The following TTC28 variants were observed in gnomAD, a reference collection of about 807,000 sequenced individuals.
TTC28 encodes the protein tetratricopeptide repeat protein 28.
A neutral mutation model predicts 198.0 loss-of-function variants in TTC28; 61 were observed. That is an observed-to-expected ratio of 0.31 (90% CI 0.25 to 0.38). TTC28 has a LOEUF of 0.38. Among genes scored for constraint, TTC28 ranks in the 10% least tolerant of loss-of-function variants. TTC28 has a pLI of 1.00. For synonymous variants in TTC28, 1,171 were observed against 1,297.8 expected, an observed-to-expected ratio of 0.90 and a Z score of 2.10; for missense variants, 2,678 against 3,164.0, an observed-to-expected ratio of 0.85 and a Z score of 3.69.
At chr22:28,116,100 C>T (rs183638463) in intron 6 of TTC28, among the ~76,000 whole-genome samples, 7 of 152,132 alleles carry the variant, frequency 4.6e-5, no homozygotes, top group African/African-American at 1.7e-4. Context: ...CCCCTCAAGA[C>T]TCCCCCTGAT....
chr22:28,472,910 T>G (rs1311829080), intron 2 of TTC28, among the ~76,000 whole-genome samples: 1 of 152,164 alleles, frequency 6.6e-6, no homozygotes, highest in Non-Finnish European at 1.5e-5. Flanking sequence ...TCAGATTTAA[T>G]ATCAGAATGG....
At position 28,118,971 on chromosome 22, in the gene TTC28, A is replaced by C. The variant is rs576068445; in HGVS notation, c.1442-10568T>G. On this transcript the variant is annotated intron_variant, in intron 6 of 22. Transcript: ENST00000397906. ...AAAATTTTATATCTGTTGCATGCTC[A>C]GCTGACTTTGCCTTGGTAATTGGTG... Among the ~76,000 whole-genome samples the C allele has an allele frequency of 6.6e-5, 10 of 152,352 alleles. No homozygotes were observed. In the East Asian group the frequency reaches 1.9e-3, roughly 29 times the overall value.
intron 2 of TTC28, among the ~76,000 whole-genome samples, chr22:28,496,489 C>A (rs1421895121): frequency 1.3e-5 from 2 of 152,030 alleles, no homozygotes; most frequent in African/African-American, 4.8e-5. Flanking sequence ...TCTCACATAC[C>A]ACATCCAATC....
chr22:28,504,890 A>G (rs1484001937), intron 2 of TTC28, among the ~76,000 whole-genome samples: 1 of 152,184 alleles, frequency 6.6e-6, no homozygotes, highest in Non-Finnish European at 1.5e-5. Context: ...GGTTCATTAT[A>G]CAATTCTTTT....
rs1320137980 is a variant in TTC28, at chr22:28,025,810, CAGTT to C, written c.4073+4412_4073+4415del. Among the ~76,000 whole-genome samples the C allele has an allele frequency of 3.2e-4, 48 of 152,168 alleles. 1 individual carries two copies. The highest frequency in any genetic ancestry group is 2.2e-3 in the Admixed American group (34 of 15,282). On this transcript the variant is annotated intron_variant, in intron 13 of 22. Coordinates refer to ENST00000397906, the MANE Select transcript of TTC28 (RefSeq NM_001145418.2). ...ACTTGAGCCCAGGAGTTTGAGGCTGCAGTTAGTTATGACGGCACCACTATAACCC... is the reference window on the plus strand; with the variant it reads ...ACTTGAGCCCAGGAGTTTGAGGCTGCAGTTATGACGGCACCACTATAACCC...
At chr22:28,411,654 T>C (rs1266133344) in intron 2 of TTC28, among the ~76,000 whole-genome samples, 1 of 152,246 alleles carries the variant, frequency 6.6e-6, no homozygotes, top group Non-Finnish European at 1.5e-5. Flanking sequence ...AATGTCAGTT[T>C]AATAGCTTTT....
At chr22:28,260,649 G>C (rs1055603534) in intron 5 of TTC28, among the ~76,000 whole-genome samples, 1 of 152,062 alleles carries the variant, frequency 6.6e-6, no homozygotes, top group Admixed American at 6.6e-5. Flanking sequence ...ACAAACAACA[G>C]CAATAAAACC....
chr22:28,591,754 T>C (rs1035631078), intron 2 of TTC28, among the ~76,000 whole-genome samples: 1 of 152,154 alleles, frequency 6.6e-6, no homozygotes, highest in African/African-American at 2.4e-5. Context: ...GAAAATGGAC[T>C]ACAAACAATA....
chr22:28,640,494 C>T lies in TTC28; in HGVS notation c.103-10664G>A, dbSNP rs1282337902. ...AACTCATAAAATATTGAACCCATAGCTTTCAGACTTTCATTCAACTCCAAG... is the reference window on the plus strand; with the variant it reads ...AACTCATAAAATATTGAACCCATAGTTTTCAGACTTTCATTCAACTCCAAG... On this transcript the variant is annotated intron_variant, in intron 1 of 22. Coordinates refer to ENST00000397906, the MANE Select transcript of TTC28 (RefSeq NM_001145418.2). 2.6e-5 allele frequency among the ~76,000 whole-genome samples: 4 copies of T among 151,546 alleles called. No homozygotes were observed. In the South Asian group the frequency reaches 6.3e-4, roughly 24 times the overall value.
intron 2 of TTC28, among the ~76,000 whole-genome samples, chr22:28,615,119 C>T (rs1267720862): frequency 6.6e-6 from 1 of 151,972 alleles, no homozygotes; most frequent in Non-Finnish European, 1.5e-5. Context: ...AACAAAAAAC[C>T]CCATCAAAAA....
At chr22:28,227,061 A>C (rs1928400399) in intron 5 of TTC28, among the ~76,000 whole-genome samples, 1 of 152,082 alleles carries the variant, frequency 6.6e-6, no homozygotes, top group South Asian at 2.1e-4. Flanking sequence ...AGTAGCTGGG[A>C]CTACAGATGC....
rs541121409 is a variant in TTC28 at position 28,005,148 on chromosome 22, C to T, written c.4219-3595G>A. Among the ~76,000 whole-genome samples, 51 of 152,328 alleles carry T rather than the reference C, an allele frequency of 3.3e-4. No homozygotes were observed. Among genetic ancestry groups the T allele is most frequent in the African/African-American group, 1.1e-3 (45 of 41,576 alleles). On this transcript the variant is annotated intron_variant, in intron 14 of 22. Transcript: ENST00000397906. The surrounding 1 kb of genome is among the most constrained non-coding windows in gnomAD (Gnocchi z 4.9). Reference sequence around the variant, plus strand: ...TCTCTTCCCCAGGGGTGCCGCCCTGCGCTCTCACCAAGGGGCTGTGACCCT... The same window carrying T: ...TCTCTTCCCCAGGGGTGCCGCCCTGTGCTCTCACCAAGGGGCTGTGACCCT...
intron 2 of TTC28, among the ~76,000 whole-genome samples, chr22:28,434,337 C>T (rs1207256533): frequency 6.6e-6 from 1 of 152,148 alleles, no homozygotes; most frequent in Non-Finnish European, 1.5e-5. Flanking sequence ...TTAGTACCTT[C>T]TGTTTAAGAA....
chr22:28,485,485 G>T (rs1394722168), intron 2 of TTC28, among the ~76,000 whole-genome samples: 1 of 152,010 alleles, frequency 6.6e-6, no homozygotes, highest in Non-Finnish European at 1.5e-5. Context: ...TTGTCATTCA[G>T]TTGGCTTTAA....
At chr22:28,145,279 A>C (rs1333000081) in intron 6 of TTC28, among the ~76,000 whole-genome samples, 1 of 152,120 alleles carries the variant, frequency 6.6e-6, no homozygotes, top group African/African-American at 2.4e-5. Flanking sequence ...TTTTTTACAC[A>C]TCACAAAACT....
chr22:28,592,568 C>G (rs1423271806), intron 2 of TTC28, among the ~76,000 whole-genome samples: 1 of 152,094 alleles, frequency 6.6e-6, no homozygotes, highest in African/African-American at 2.4e-5. Context: ...GGTTACGTCA[C>G]AAGATATCTC....
chr22:28,652,454 T>C lies in TTC28; in HGVS notation c.103-22624A>G, dbSNP rs145192127. On this transcript the variant is annotated intron_variant, in intron 1 of 22. Transcript: ENST00000397906. ...ACTACTGTACTGTTTTTGCCAGACA[T>C]CTTCAAAAATCTCAATAATCTTAGT... 3.0e-3 allele frequency among the ~76,000 whole-genome samples: 460 copies of C among 152,316 alleles called. 4 individuals carry two copies. The highest frequency in any genetic ancestry group is 0.011 in the African/African-American group (440 of 41,568).
chr22:28,624,025 G>A (rs1273524928), intron 2 of TTC28, among the ~76,000 whole-genome samples: 1 of 151,868 alleles, frequency 6.6e-6, no homozygotes, highest in Non-Finnish European at 1.5e-5. Context: ...GTAGAAAAAA[G>A]GAAATAATAA....
chr22:28,059,518 T>C (rs1304045607), intron 12 of TTC28, among the ~76,000 whole-genome samples: 1 of 152,064 alleles, frequency 6.6e-6, no homozygotes, highest in African/African-American at 2.4e-5. Flanking sequence ...GATATGATGT[T>C]CTATAACTAT....
Sources: allele counts gnomAD v4.1 joint callset (sites outside exome capture counted in the v4.1 genomes callset), GRCh38; gene constraint gnomAD v4.1.1; non-coding constraint Gnocchi (gnomAD v3.1); transcripts MANE v1.5; gene names NCBI Gene and HGNC (gene_info 2026-07-23, HGNC 2026-07-21).